The following BCAS3 variants were observed in gnomAD, a reference collection of about 807,000 sequenced individuals.
The protein encoded by BCAS3 is BCAS3 microtubule associated cell migration factor.
In BCAS3, 53 loss-of-function variants were observed where a neutral mutation model predicts 116.1. The observed-to-expected ratio is 0.46, with a 90% CI of 0.37 to 0.57. The LOEUF (loss-of-function observed/expected upper bound fraction) is 0.57. Ranked by LOEUF, BCAS3 falls within the 20% of genes least tolerant of loss-of-function variation. BCAS3 has a pLI of 0.00. For missense variants in BCAS3, 917 were observed against 1,165.4 expected (o/e 0.79, Z 3.10); for synonymous variants, 391 against 408.2 (o/e 0.96, Z 0.51).
chr17:60,969,717 C>T (rs949547527), intron 14 of BCAS3, among the ~76,000 whole-genome samples: 4 of 152,074 alleles, frequency 2.6e-5, no homozygotes, highest in African/African-American at 9.7e-5. Flanking sequence ...CAACAAAAAC[C>T]ATGTCAAAGG....
At chr17:60,701,514 T>G (rs1191401085) in intron 4 of BCAS3, among the ~76,000 whole-genome samples, 2 of 152,106 alleles carry the variant, frequency 1.3e-5, no homozygotes, top group African/African-American at 4.8e-5. Flanking sequence ...AATAAATACA[T>G]TGGAAAATTT....
chr17:60,983,745 C>G (rs558469385), intron 14 of BCAS3, among the ~76,000 whole-genome samples: 2 of 152,260 alleles, frequency 1.3e-5, no homozygotes, highest in African/African-American at 4.8e-5. Flanking sequence ...TAACATAGTT[C>G]AATTTCACTG....
In BCAS3 at chr17:61,369,439, C is replaced by T. The variant is rs1398383768; in HGVS notation, c.2593+945C>T. Among the ~76,000 whole-genome samples, 95 of 152,202 alleles carry T rather than the reference C, an allele frequency of 6.2e-4. 3 individuals are homozygous for T. Among genetic ancestry groups the T allele is most frequent in the Admixed American group, 6.2e-3 (95 of 15,284 alleles). The stretch of plus-strand genomic sequence containing the variant: ...AACCCCAGTAAGGAGAAACTTACAA[C>T]AATGGGGCAGGCGCTGATCAGGACC... On this transcript the variant is annotated intron_variant, in intron 23 of 23. Coordinates refer to ENST00000407086, the MANE Select transcript of BCAS3 (RefSeq NM_017679.5).
intron 23 of BCAS3, among the ~76,000 whole-genome samples, chr17:61,386,504 A>G (rs147297932): frequency 1.3e-5 from 2 of 152,324 alleles, no homozygotes; most frequent in East Asian, 3.9e-4. Flanking sequence ...GGCAGCATCA[A>G]TGCTCATGTA....
At position 61,004,411 on chromosome 17, in the gene BCAS3, G is replaced by C. The variant is rs1307187073; in HGVS notation, c.1487-11340G>C. Among the ~76,000 whole-genome samples the C allele has an allele frequency of 2.0e-5, 3 of 151,834 alleles. No individual in the cohort carries two copies. The highest frequency in any genetic ancestry group is 4.8e-5 in the African/African-American group (2 of 41,356). ...GGAGAAAAATTGGAGAGGGAGAAGAGAGTGAGTAGGCTTCTTAGGATTTGT... is the reference window on the plus strand; with the variant it reads ...GGAGAAAAATTGGAGAGGGAGAAGACAGTGAGTAGGCTTCTTAGGATTTGT... On this transcript the variant is annotated intron_variant, in intron 15 of 23. Transcript: ENST00000407086. This position sits in a 1 kb window ranked among gnomAD's most constrained non-coding sequence, Gnocchi z 4.8.
At chr17:61,334,018 A>G (rs575475653) in intron 22 of BCAS3, among the ~76,000 whole-genome samples, 1 of 152,288 alleles carries the variant, frequency 6.6e-6, no homozygotes, top group Admixed American at 6.5e-5. Context: ...AATTCAACAT[A>G]TAATTTGATG....
chr17:61,054,205 C>T lies in BCAS3; in HGVS notation c.2029+13313C>T, dbSNP rs1338570240. The stretch of plus-strand genomic sequence containing the variant: ...AGTTCATTGAGTTTTTCTGTCATTG[C>T]TGGTCTCGAGATGTTTCAACATTAA... On this transcript the variant is annotated intron_variant, in intron 19 of 23. Coordinates refer to ENST00000407086, the MANE Select transcript of BCAS3 (RefSeq NM_017679.5). Among the ~76,000 whole-genome samples, 3 of 152,222 alleles carry T rather than the reference C, an allele frequency of 2.0e-5. No individual in the cohort carries two copies. In the East Asian group the frequency reaches 5.8e-4, roughly 29 times the overall value.
rs773284282 is a variant in BCAS3, at chr17:60,747,221, C to T, written c.345C>T (p.Leu115=). Residue 115 remains leucine, a synonymous_variant, in exon 6 of 24, where the codon CTC becomes CTT. Coordinates refer to ENST00000407086, the MANE Select transcript of BCAS3 (RefSeq NM_017679.5). ...SIPISGEAQE[L]FSVRHGPIRA... is the part of the protein sequence containing the mutation. ...AGATCAGTGGTGAAGCACAAGAGCT[C>T]TTCTCTGTTCGACATGGCCCAATTC... 5.6e-6 allele frequency: 9 copies of T among 1,613,216 alleles called. No individual in the cohort carries two copies. Among genetic ancestry groups the T allele is most frequent in the Non-Finnish European group, 6.8e-6 (8 of 1,179,260 alleles).
At chr17:61,166,253 G>A (rs554511916) in intron 22 of BCAS3, among the ~76,000 whole-genome samples, 3 of 151,992 alleles carry the variant, frequency 2.0e-5, no homozygotes, top group East Asian at 1.9e-4. Flanking sequence ...GCTTCATCAC[G>A]GTCTTCCCTC....
At chr17:60,864,586 A>T (rs1007565899) in intron 7 of BCAS3, among the ~76,000 whole-genome samples, 1 of 152,176 alleles carries the variant, frequency 6.6e-6, no homozygotes, top group African/African-American at 2.4e-5. Context: ...AACCACTAAA[A>T]CTTTCTCCAT....
Position 61,136,552 on chromosome 17 carries a change from C to A in BCAS3, c.2425+51988C>A, listed in dbSNP as rs1479017028. ...ATATTGCCAAATGTCCCCTTGTGGA[C>A]AAAATTGTCCCATTTATTTATTGAG... On this transcript the variant is annotated intron_variant, in intron 22 of 23. Coordinates refer to ENST00000407086, the MANE Select transcript of BCAS3 (RefSeq NM_017679.5). This position sits in a 1 kb window ranked among gnomAD's most constrained non-coding sequence, Gnocchi z 4.4. Among the ~76,000 whole-genome samples, 2 of 152,150 alleles carry A rather than the reference C, an allele frequency of 1.3e-5. No homozygotes were observed. Among genetic ancestry groups the A allele is most frequent in the African/African-American group, 2.4e-5 (1 of 41,418 alleles).
chr17:61,294,184 C>T (rs184775668), intron 22 of BCAS3, among the ~76,000 whole-genome samples: 1 of 152,266 alleles, frequency 6.6e-6, no homozygotes, highest in Admixed American at 6.5e-5. Context: ...GAACAGATCC[C>T]AACTACTGTA....
At chr17:60,833,053 A>G (rs1373757236) in intron 7 of BCAS3, among the ~76,000 whole-genome samples, 1 of 152,206 alleles carries the variant, frequency 6.6e-6, no homozygotes, top group Non-Finnish European at 1.5e-5. Flanking sequence ...AAAAATAGAG[A>G]TAGGGGTCTC....
At chr17:60,907,042 C>G (rs1414756630) in intron 11 of BCAS3, among the ~76,000 whole-genome samples, 1 of 152,072 alleles carries the variant, frequency 6.6e-6, no homozygotes, top group African/African-American at 2.4e-5. Flanking sequence ...TTTTTTGTCT[C>G]ACTGCAATTG....
chr17:60,712,212 A>G (rs1454886027), intron 5 of BCAS3, among the ~76,000 whole-genome samples: 1 of 150,832 alleles, frequency 6.6e-6, no homozygotes, highest in Admixed American at 6.6e-5. Flanking sequence ...TGTCTCTACA[A>G]AAAATTTTTA....
chr17:61,160,281 G>A lies in BCAS3; in HGVS notation c.2425+75717G>A, dbSNP rs180732721. Among the ~76,000 whole-genome samples the A allele has an allele frequency of 5.7e-3, 850 of 149,320 alleles. 12 individuals carry two copies. The highest frequency in any genetic ancestry group is 0.021 in the African/African-American group (808 of 39,034). The stretch of plus-strand genomic sequence containing the variant: ...GAAAAACTTTATAAAAATAGTCTGA[G>A]TTAATTTTTTTTTTAATTTACTGGA... On this transcript the variant is annotated intron_variant, in intron 22 of 23. Coordinates refer to ENST00000407086, the MANE Select transcript of BCAS3 (RefSeq NM_017679.5).
intron 22 of BCAS3, among the ~76,000 whole-genome samples, chr17:61,090,241 TA>T (rs1440007471): frequency 2.0e-5 from 3 of 152,230 alleles, no homozygotes; most frequent in Non-Finnish European, 4.4e-5. Context: ...AATATTAAGA[TA>T]TTTTTTGAAT....
In BCAS3 at chr17:61,171,580, C is replaced by A. The variant is rs2078842150; in HGVS notation, c.2425+87016C>A. 6.6e-6 allele frequency among the ~76,000 whole-genome samples: 1 copy of A among 151,766 alleles called. No individual in the cohort carries two copies. The highest frequency in any genetic ancestry group is 2.4e-5 in the African/African-American group (1 of 41,356). ...CCTAAATATAAAGACATGAATAGGA[C>A]AAAAGTAAAAGGATAGAAATAATGA... On this transcript the variant is annotated intron_variant, in intron 22 of 23. Transcript: ENST00000407086. This position sits in a 1 kb window ranked among gnomAD's most constrained non-coding sequence, Gnocchi z 4.1.
rs2049553228 is a variant in BCAS3, at chr17:61,265,003, G to A, written c.2426-103324G>A. ...CCTGTGTGGTCTTTGGAGGCAGACAGCCCTGTATTCAATTCCACTGTTTAT... is the reference window on the plus strand; with the variant it reads ...CCTGTGTGGTCTTTGGAGGCAGACAACCCTGTATTCAATTCCACTGTTTAT... On this transcript the variant is annotated intron_variant, in intron 22 of 23. Coordinates refer to ENST00000407086, the MANE Select transcript of BCAS3 (RefSeq NM_017679.5). The surrounding 1 kb of genome is among the most constrained non-coding windows in gnomAD (Gnocchi z 4.3). Among the ~76,000 whole-genome samples, 1 of 152,194 alleles carries A rather than the reference G, an allele frequency of 6.6e-6. No individual in the cohort carries two copies. Among genetic ancestry groups the A allele is most frequent in the Non-Finnish European group, 1.5e-5 (1 of 68,034 alleles).
Sources: gnomAD v4.1 joint callset for allele counts (sites outside exome capture counted in the v4.1 genomes callset) on GRCh38, gnomAD v4.1.1 for gene constraint, Gnocchi (gnomAD v3.1) non-coding constraint, MANE v1.5 for transcripts, NCBI Gene and HGNC (gene_info 2026-07-23, HGNC 2026-07-21) for gene names.